NARS2: variants seen among roughly 807,000 people sequenced by gnomAD.
NARS2 encodes asparaginyl-tRNA synthetase.
NARS2 carries 60 observed loss-of-function variants against 62.9 expected under a neutral mutation model. That is an observed-to-expected ratio of 0.95 (90% CI 0.77 to 1.18). NARS2 has a LOEUF of 1.18. Ranked by LOEUF, NARS2 falls within the 50% of genes most tolerant of loss-of-function variation. The probability of loss-of-function intolerance (pLI) is 0.00; values close to 1 mark genes in which losing one functional copy is unlikely to be tolerated. For synonymous variants in NARS2, 196 were observed against 200.0 expected, an observed-to-expected ratio of 0.98 and a Z score of 0.17; for missense variants, 619 against 576.4, an observed-to-expected ratio of 1.07 and a Z score of -0.76.
intron 4 of NARS2, among the ~76,000 whole-genome samples, chr11:78,563,059 G>A (rs1161245739): frequency 2.0e-5 from 3 of 151,812 alleles, no homozygotes; most frequent in East Asian, 1.9e-4. Flanking sequence ...CACACATAAA[G>A]GTAGATAACT....
In NARS2 at chr11:78,564,330, G is replaced by A. The variant is rs7113292; in HGVS notation, c.513+1802C>T. On this transcript the variant is annotated intron_variant, in intron 4 of 13. Transcript: ENST00000281038. Reference sequence around the variant, plus strand: ...CCTGCCTCAGCTTCCTGAGTAGGTGGGACTATAGGCACATGCCACCATGCC... The same window carrying A: ...CCTGCCTCAGCTTCCTGAGTAGGTGAGACTATAGGCACATGCCACCATGCC... 8.6e-3 allele frequency among the ~76,000 whole-genome samples: 1,308 copies of A among 152,100 alleles called. 15 individuals carry two copies. Among genetic ancestry groups the A allele is most frequent in the African/African-American group, 0.03 (1,237 of 41,472 alleles).
chr11:78,528,720 G>C, intron 6 of NARS2, 122 bp downstream of exon 6: 1 of 660,698 alleles, frequency 1.5e-6, no homozygotes, highest in Non-Finnish European at 2.6e-6. Context: ...TAAATATTTT[G>C]GAAAATTCAA....
At chr11:78,465,828 AC>A in intron 11 of NARS2, 47 bp downstream of exon 11, 1 of 1,601,462 alleles carries the variant, frequency 6.2e-7, no homozygotes, top group Non-Finnish European at 8.5e-7. Context: ...TAAATGAAAA[AC>A]CCAACCTAAG....
chr11:78,532,211 T>A (rs1323192457), intron 5 of NARS2, among the ~76,000 whole-genome samples: 2 of 152,146 alleles, frequency 1.3e-5, no homozygotes, highest in East Asian at 3.9e-4. Flanking sequence ...ACTTTATCAG[T>A]GGGGAAGGAT....
intron 6 of NARS2, among the ~76,000 whole-genome samples, chr11:78,504,096 T>G (rs967220050): frequency 1.3e-5 from 2 of 152,228 alleles, no homozygotes; most frequent in Non-Finnish European, 2.9e-5. Context: ...AGAAAACTTC[T>G]GAGATAACTC....
chr11:78,522,119 A>ATTTTT (rs59159824), intron 6 of NARS2, among the ~76,000 whole-genome samples: 1 of 134,924 alleles, frequency 7.4e-6, no homozygotes, highest in African/African-American at 2.7e-5. Context: ...CATCCAGCTA[A>ATTTTT]TTTTTTTTTT....
intron 5 of NARS2, chr11:78,533,335 A>G (rs1861548864): frequency 6.6e-6 from 1 of 152,140 alleles, no homozygotes; most frequent in Non-Finnish European, 1.5e-5. Flanking sequence ...CTCTTATTCC[A>G]TTATTTGTGT....
chr11:78,449,142 T>G (rs1857872574), intron 11 of NARS2, among the ~76,000 whole-genome samples: 2 of 147,390 alleles, frequency 1.4e-5, no homozygotes, highest in South Asian at 2.2e-4. Context: ...TGTTTTTTTT[T>G]TTTTTTTTTT....
chr11:78,534,262 C>A (rs1338003678), intron 5 of NARS2, among the ~76,000 whole-genome samples: 1 of 152,166 alleles, frequency 6.6e-6, no homozygotes, highest in African/African-American at 2.4e-5. Flanking sequence ...GTTAAATCTG[C>A]TGCTCCACAT....
In NARS2 at chr11:78,574,707, A is replaced by G; in HGVS notation, c.-219T>C. On this transcript the variant is annotated 5_prime_UTR_variant, in exon 1 of 14. Coordinates refer to ENST00000281038, the MANE Select transcript of NARS2 (RefSeq NM_024678.6). ...CACTTCCCAACGGGGCGGAATGGAC[A>G]GGACACTAGGCAAACGCCAGAAAGA... The G allele has an allele frequency of 1.8e-6, 1 of 555,236 alleles. No homozygotes were observed. The highest frequency in any genetic ancestry group is 3.1e-6 in the Non-Finnish European group (1 of 318,356). 34.4% of individuals were successfully genotyped at this position (555,236 alleles called of 1,614,324 possible).
Position 78,571,434 on chromosome 11 carries a change from C to T in NARS2, c.152G>A (p.Arg51His), listed in dbSNP as rs748157459. 5.0e-6 allele frequency: 8 copies of T among 1,609,704 alleles called. No individual in the cohort carries two copies. The South Asian group carries it at 5.5e-5, about 11-fold the overall frequency. ...GACTTCCTTCTGGGATCGGACAGAA[C>T]GAATCCATCCCTAAGGAAGAGAAAT... The part of the protein sequence containing the change: ...GERIKIQGWI[R>H]SVRSQKEVLF... Residue 51 changes from arginine (R) to histidine (H), a missense_variant, in exon 2 of 14, where the codon CGT becomes CAT. Transcript: ENST00000281038.
chr11:78,448,445 C>T (rs1396882434), intron 11 of NARS2, among the ~76,000 whole-genome samples: 3 of 151,740 alleles, frequency 2.0e-5, no homozygotes, highest in African/African-American at 7.3e-5. Flanking sequence ...CACATGCCAC[C>T]GTGCCCAGCT....
chr11:78,534,005 T>C (rs780556899), intron 5 of NARS2, among the ~76,000 whole-genome samples: 10 of 152,216 alleles, frequency 6.6e-5, no homozygotes, highest in Non-Finnish European at 1.5e-4. Flanking sequence ...TGCTGAATAA[T>C]ATTTTACTGT....
chr11:78,438,299 A>G (rs149677332), intron 13 of NARS2, among the ~76,000 whole-genome samples: 7 of 152,304 alleles, frequency 4.6e-5, no homozygotes, highest in African/African-American at 1.4e-4. Context: ...AGTAATAACT[A>G]TAAGAAATAA....
intron 11 of NARS2, among the ~76,000 whole-genome samples, chr11:78,457,578 A>C (rs546628761): frequency 1.3e-5 from 2 of 152,234 alleles, no homozygotes; most frequent in East Asian, 3.8e-4. Context: ...TAAATAAATT[A>C]TATTTGAATA....
intron 3 of NARS2, among the ~76,000 whole-genome samples, chr11:78,568,172 T>C (rs944678562): frequency 6.6e-6 from 1 of 152,188 alleles, no homozygotes; most frequent in Non-Finnish European, 1.5e-5. Context: ...TAGTAGCCAG[T>C]AGCCACATGC....
chr11:78,553,649 G>GATATT (rs781059494), intron 5 of NARS2, among the ~76,000 whole-genome samples: 3 of 152,070 alleles, frequency 2.0e-5, no homozygotes, highest in Non-Finnish European at 2.9e-5. Flanking sequence ...ATAGATCCTG[G>GATATT]ATATTAGACC....
chr11:78,490,399 ACT>A (rs761620421), intron 7 of NARS2, among the ~76,000 whole-genome samples: 86 of 152,204 alleles, frequency 5.7e-4, no homozygotes, highest in Non-Finnish European at 1.1e-3. Context: ...GAATAAAATG[ACT>A]CTGTGTTTTC....
intron 11 of NARS2, among the ~76,000 whole-genome samples, chr11:78,444,527 G>A (rs1052323302): frequency 6.6e-6 from 1 of 151,878 alleles, no homozygotes; most frequent in African/African-American, 2.4e-5. Context: ...ACCACCTTGG[G>A]GGCAACATGG....
Sources: allele counts gnomAD v4.1 joint callset (sites outside exome capture counted in the v4.1 genomes callset), GRCh38; gene constraint gnomAD v4.1.1; transcripts MANE v1.5; gene names NCBI Gene and HGNC (gene_info 2026-07-23, HGNC 2026-07-21).